CMIP: variants seen among roughly 807,000 people sequenced by gnomAD.
CMIP encodes the protein C-Maf-inducing protein.
In CMIP, 13 loss-of-function variants were observed where a neutral mutation model predicts 97.3. The observed-to-expected ratio is 0.13, with a 90% CI of 0.09 to 0.21. The LOEUF (loss-of-function observed/expected upper bound fraction) is 0.21, where lower values mean the gene tolerates loss of function less well. CMIP is among the 10% of genes least tolerant of loss of function. The pLI, the probability that CMIP is intolerant of heterozygous loss-of-function variation, is 1.00. For synonymous variants in CMIP, 538 were observed against 436.3 expected, an observed-to-expected ratio of 1.23 and a Z score of -2.91; for missense variants, 847 against 1,024.9, an observed-to-expected ratio of 0.83 and a Z score of 2.37.
chr16:81,445,415 C>G lies in CMIP; in HGVS notation c.174C>G (p.Gly58=), dbSNP rs1905768475. 1 of 1,600,156 alleles carries G rather than the reference C, an allele frequency of 6.2e-7. No homozygotes were observed. The highest frequency in any genetic ancestry group is 1.1e-5 in the South Asian group (1 of 88,698). ...NGMRYKLLQE[G]DIQVCVIRHP... ...TGAGGTACAAACTGCTGCAGGAGGG[C>G]GACATTCAGGTCTGTGTCATCCGGC... Residue 58 remains glycine, a synonymous_variant, in exon 1 of 21, where the codon GGC becomes GGG. Transcript: ENST00000537098.
chr16:81,471,429 C>T (rs1164603966), intron 1 of CMIP, among the ~76,000 whole-genome samples: 2 of 152,158 alleles, frequency 1.3e-5, no homozygotes, highest in Non-Finnish European at 2.9e-5. Flanking sequence ...CATGTACATG[C>T]ACATACATTT....
intron 1 of CMIP, among the ~76,000 whole-genome samples, chr16:81,468,473 G>T (rs1907336668): frequency 6.6e-6 from 1 of 152,262 alleles, no homozygotes. Context: ...GAAGTGAGAA[G>T]TGAGCAGATA....
chr16:81,457,667 C>A (rs1336846214), intron 1 of CMIP, among the ~76,000 whole-genome samples: 1 of 152,260 alleles, frequency 6.6e-6, no homozygotes, highest in Admixed American at 6.5e-5. Flanking sequence ...ATCACACCTA[C>A]CTCGTGAGGT....
chr16:81,575,672 A>C (rs964295594), intron 1 of CMIP, among the ~76,000 whole-genome samples: 2 of 152,180 alleles, frequency 1.3e-5, no homozygotes, highest in African/African-American at 4.8e-5. Flanking sequence ...ACGGGACAGC[A>C]GTGACATTGT....
chr16:81,500,330 T>C (rs1490832751), intron 1 of CMIP, among the ~76,000 whole-genome samples: 16 of 30,672 alleles, frequency 5.2e-4, no homozygotes, highest in African/African-American at 9.1e-4. Context: ...TGCCTCCCTC[T>C]GTCCCTCCCT....
chr16:81,702,814 T>G (rs1597273689), intron 17 of CMIP, 145 bp downstream of exon 17: 1 of 702,310 alleles, frequency 1.4e-6, no homozygotes, highest in African/African-American at 1.8e-5. Context: ...ACACGCCAGC[T>G]CTTCCAGGAG....
intron 1 of CMIP, chr16:81,518,896 G>C (rs1219732815): frequency 6.7e-6 from 1 of 149,596 alleles, no homozygotes; most frequent in East Asian, 2.0e-4. Context: ...GAGTGCAGTG[G>C]TGCGATCTCA....
At chr16:81,496,360 A>T (rs2089490864) in intron 1 of CMIP, among the ~76,000 whole-genome samples, 1 of 152,204 alleles carries the variant, frequency 6.6e-6, no homozygotes, top group Non-Finnish European at 1.5e-5. Flanking sequence ...CTTGGGGGCG[A>T]TGGATGGGAA....
At chr16:81,564,968 G>A (rs1259650851) in intron 1 of CMIP, among the ~76,000 whole-genome samples, 2 of 152,002 alleles carry the variant, frequency 1.3e-5, no homozygotes, top group African/African-American at 2.4e-5. Context: ...TGGGGGGTGG[G>A]CATTGCAGGG....
chr16:81,711,661 G>A lies in CMIP; in HGVS notation c.*1862G>A, dbSNP rs1408389393. Reference sequence around the variant, plus strand: ...AACAAGACATGCCACCTTTCCCCTCGCACTGTTGCTTTTCCTGATGGTTAA... The same window carrying A: ...AACAAGACATGCCACCTTTCCCCTCACACTGTTGCTTTTCCTGATGGTTAA... On this transcript the variant is annotated 3_prime_UTR_variant, in exon 21 of 21. Coordinates refer to ENST00000537098, the MANE Select transcript of CMIP (RefSeq NM_198390.3). 11 of 151,240 alleles carry A rather than the reference G, an allele frequency of 7.3e-5. No homozygotes were observed. Among genetic ancestry groups the A allele is most frequent in the Non-Finnish European group, 1.5e-4 (10 of 67,856 alleles). 9.4% of individuals were successfully genotyped at this position (151,240 alleles called of 1,614,324 possible).
chr16:81,681,213 T>C (rs1475927418), intron 10 of CMIP, among the ~76,000 whole-genome samples: 1 of 152,176 alleles, frequency 6.6e-6, no homozygotes, highest in Non-Finnish European at 1.5e-5. Context: ...CTCAACACAA[T>C]TTGGGCCTGA....
chr16:81,586,659 C>T (rs1597118377), intron 1 of CMIP, among the ~76,000 whole-genome samples: 1 of 152,172 alleles, frequency 6.6e-6, no homozygotes, highest in South Asian at 2.1e-4. Flanking sequence ...TCCTATTCAT[C>T]CTTCAAAGCC....
chr16:81,488,943 G>A (rs1172140411), intron 1 of CMIP, among the ~76,000 whole-genome samples: 1 of 151,622 alleles, frequency 6.6e-6, no homozygotes, highest in Non-Finnish European at 1.5e-5. Flanking sequence ...AGACCTTCCT[G>A]TGAGTTTCAT....
intron 1 of CMIP, among the ~76,000 whole-genome samples, chr16:81,491,845 G>A (rs147162625): frequency 3.2e-3 from 494 of 152,270 alleles, no homozygotes; most frequent in Non-Finnish European, 5.3e-3. Context: ...GTCATTACAG[G>A]CACAGTGAAC....
chr16:81,563,124 G>A (rs895376902), intron 1 of CMIP, among the ~76,000 whole-genome samples: 7 of 152,238 alleles, frequency 4.6e-5, no homozygotes, highest in African/African-American at 1.7e-4. Context: ...GGCTGGCCAT[G>A]GCTGCTATCA....
intron 3 of CMIP, among the ~76,000 whole-genome samples, chr16:81,641,764 GCACCAGCC>G (rs2092309328): frequency 6.6e-6 from 1 of 152,196 alleles, no homozygotes; most frequent in African/African-American, 2.4e-5. Flanking sequence ...GCACCCAGCT[GCACCAGCC>G]TGCAACTGCC....
At chr16:81,562,985 G>A (rs916281998) in intron 1 of CMIP, among the ~76,000 whole-genome samples, 36 of 152,272 alleles carry the variant, frequency 2.4e-4, no homozygotes, top group African/African-American at 8.2e-4. Context: ...TCTGCCGAGG[G>A]TTACACAGTT....
intron 1 of CMIP, among the ~76,000 whole-genome samples, chr16:81,459,766 T>C (rs1268274678): frequency 2.6e-5 from 4 of 152,218 alleles, no homozygotes; most frequent in Admixed American, 2.6e-4. Flanking sequence ...GCCCTGCCTT[T>C]GATCCCCCAC....
intron 1 of CMIP, among the ~76,000 whole-genome samples, chr16:81,512,833 T>G (rs1335540976): frequency 6.6e-6 from 1 of 152,000 alleles, no homozygotes; most frequent in Non-Finnish European, 1.5e-5. Flanking sequence ...GCTTCCTGGG[T>G]TCAAGCAATT....
Sources: gnomAD v4.1 joint callset for allele counts (sites outside exome capture counted in the v4.1 genomes callset) on GRCh38, gnomAD v4.1.1 for gene constraint, MANE v1.5 for transcripts, NCBI Gene and HGNC (gene_info 2026-07-23, HGNC 2026-07-21) for gene names.